The following NUP214 variants were observed in gnomAD, a reference collection of about 807,000 sequenced individuals.
NUP214 encodes nucleoporin 214.
NUP214 carries 79 observed loss-of-function variants against 196.2 expected under a neutral mutation model. The ratio of observed to expected loss-of-function variants is 0.40; its 90% CI spans 0.34 to 0.49. NUP214 has a LOEUF of 0.49. Ranked by LOEUF, NUP214 falls within the 20% of genes least tolerant of loss-of-function variation. The probability of loss-of-function intolerance (pLI) is 0.58; values close to 1 mark genes in which losing one functional copy is unlikely to be tolerated. For synonymous variants in NUP214, 1,020 were observed against 990.5 expected (o/e 1.03, Z -0.56); for missense variants, 2,468 against 2,539.0 (o/e 0.97, Z 0.60).
intron 24 of NUP214, among the ~76,000 whole-genome samples, chr9:131,182,127 A>G (rs1445042997): frequency 1.3e-5 from 2 of 152,260 alleles, no homozygotes; most frequent in East Asian, 3.8e-4. Context: ...TAGCACAGCA[A>G]TGTGAATGTA....
chr9:131,192,169 C>CATT, intron 26 of NUP214, 39 bp from the exon 27 acceptor site: 1 of 447,000 alleles, frequency 2.2e-6, no homozygotes, highest in Non-Finnish European at 3.1e-6. Flanking sequence ...TTGTAATATT[C>CATT]TTTTTTTTTT....
At chr9:131,126,964 A>T (rs1455568714) in intron 1 of NUP214, 1 of 152,314 alleles carries the variant, frequency 6.6e-6, no homozygotes, top group Non-Finnish European at 1.5e-5. Flanking sequence ...TAATAGAACC[A>T]CAGACTTAGA....
chr9:131,146,230 T>C lies in NUP214; in HGVS notation c.1871T>C (p.Leu624Pro). 6.2e-7 allele frequency: 1 copy of C among 1,614,114 alleles called. No homozygotes were observed. Among genetic ancestry groups the C allele is most frequent in the Non-Finnish European group, 8.5e-7 (1 of 1,179,998 alleles). The change falls in exon 13 of 36, where the codon CTC becomes CCC. Residue 624 changes from leucine to proline, a missense_variant. Physicochemically the swap from Leu to Pro is moderately conservative, Grantham distance 98 (BLOSUM62 -3). Around this residue, in one of 5 missense-constraint regions of NUP214, gnomAD observed 1,801 missense variants for 1,779.4 expected, o/e 1.01. Coordinates refer to ENST00000359428, the MANE Select transcript of NUP214 (RefSeq NM_005085.4). This position sits in a 1 kb window ranked among gnomAD's most constrained non-coding sequence, Gnocchi z 4.6. ...TCCAAGCCAGCTGCTTCTGGACCACTCAGCCACCCCACACCTCTCTCAGCA... is the reference window on the plus strand; with the variant it reads ...TCCAAGCCAGCTGCTTCTGGACCACCCAGCCACCCCACACCTCTCTCAGCA... ...SASKPAASGP[L>P]SHPTPLSAPP... is the part of the protein sequence containing the mutation.
chr9:131,217,874 C>T (rs537148109), intron 31 of NUP214, among the ~76,000 whole-genome samples: 10 of 152,290 alleles, frequency 6.6e-5, no homozygotes, highest in Admixed American at 5.2e-4. Flanking sequence ...CTGGTTTGCA[C>T]GGACACATGA....
At chr9:131,193,186 G>T (rs993514082) in intron 27 of NUP214, among the ~76,000 whole-genome samples, 1 of 152,040 alleles carries the variant, frequency 6.6e-6, no homozygotes, top group African/African-American at 2.4e-5. Flanking sequence ...TTGTTAAGGT[G>T]CCTGTTCTCT....
rs559815283 is a variant in NUP214, at chr9:131,174,398, C to T, written c.3157+80C>T. ...GACGGAATTGTAACTGGGTCTTATA[C>T]TGTCACACCAATATGGTGGTTGGCT... is the stretch of plus-strand genomic sequence containing the variant. On this transcript the variant is annotated intron_variant, in intron 22 of 35. Coordinates refer to ENST00000359428, the MANE Select transcript of NUP214 (RefSeq NM_005085.4). 32 of 1,302,480 alleles carry T rather than the reference C, an allele frequency of 2.5e-5. No individual in the cohort carries two copies. The South Asian group carries it at 3.8e-4, about 16-fold the overall frequency. 80.7% of individuals were successfully genotyped at this position (1,302,480 alleles called of 1,614,324 possible).
intron 18 of NUP214, 138 bp downstream of exon 18, chr9:131,159,624 G>A (rs1425991183): frequency 1.0e-5 from 7 of 695,786 alleles, no homozygotes; most frequent in African/African-American, 1.8e-5. Flanking sequence ...TTGGCAGGCC[G>A]AGGCGAGTGG....
At position 131,198,572 on chromosome 9, in the gene NUP214, C is replaced by T. The variant is rs61736991; in HGVS notation, c.5078C>T (p.Thr1693Ile). Residue 1693 changes from threonine (T) to isoleucine (I), a missense_variant, in exon 29 of 36, where the codon ACA becomes ATA. By Grantham distance (89) the Thr-to-Ile change is moderately conservative (BLOSUM62 -1). Transcript: ENST00000359428. ...CTGTTTGGGCAGCAGACTGGTAGCACAGCCAGCACAGCAGCTGCCACACCA... is the reference window on the plus strand; with the variant it reads ...CTGTTTGGGCAGCAGACTGGTAGCATAGCCAGCACAGCAGCTGCCACACCA... Reference protein sequence around the residue: ...PSLFGQQTGSTASTAAATPQV... With the variant: ...PSLFGQQTGSIASTAAATPQV... 277 of 1,614,232 alleles carry T rather than the reference C, an allele frequency of 1.7e-4. No individual in the cohort carries two copies. The African/African-American group carries it at 3.3e-3, about 19-fold the overall frequency.
At chr9:131,187,177 G>A (rs772338599) in intron 24 of NUP214, 112 bp from the exon 25 acceptor site, 6 of 858,380 alleles carry the variant, frequency 7.0e-6, no homozygotes, top group Non-Finnish European at 9.6e-6. Flanking sequence ...CCATGCATCT[G>A]TATCCTACCC....
intron 22 of NUP214, among the ~76,000 whole-genome samples, chr9:131,174,953 G>A (rs1275852169): frequency 3.9e-5 from 6 of 152,162 alleles, no homozygotes; most frequent in Non-Finnish European, 8.8e-5. Flanking sequence ...GTTTGCTTCA[G>A]TTATAAAGCA....
rs868165228 is a variant in NUP214 at position 131,224,238 on chromosome 9, A to G, written c.5902+1308A>G. On this transcript the variant is annotated intron_variant, in intron 32 of 35. Coordinates refer to ENST00000359428, the MANE Select transcript of NUP214 (RefSeq NM_005085.4). ...TTTTATAATCATGTATGATGTATTTATAACTACAAATTTTTAATGAACAGT... is the reference window on the plus strand; with the variant it reads ...TTTTATAATCATGTATGATGTATTTGTAACTACAAATTTTTAATGAACAGT... 3.3e-5 allele frequency among the ~76,000 whole-genome samples: 5 copies of G among 152,184 alleles called. No individual in the cohort carries two copies. The South Asian group carries it at 6.2e-4, about 19-fold the overall frequency.
At chr9:131,229,671 C>T (rs1389284439) in intron 33 of NUP214, 4 of 512,786 alleles carry the variant, frequency 7.8e-6, no homozygotes, top group African/African-American at 1.9e-5. Flanking sequence ...AGGTCCCTGG[C>T]CATGAGCCTG....
chr9:131,144,871 G>A (rs1202306960), intron 12 of NUP214, 117 bp downstream of exon 12: 1 of 796,126 alleles, frequency 1.3e-6, no homozygotes, highest in Non-Finnish European at 1.9e-6. Flanking sequence ...TTTACCCAGA[G>A]TGATACTTGC....
At chr9:131,148,058 G>A (rs951784137) in intron 14 of NUP214, among the ~76,000 whole-genome samples, 4 of 152,198 alleles carry the variant, frequency 2.6e-5, no homozygotes, top group Admixed American at 6.5e-5. Flanking sequence ...GTGGTGGCAC[G>A]TACTTGTAGT....
intron 26 of NUP214, chr9:131,190,313 T>A: frequency 1.9e-6 from 1 of 540,452 alleles, no homozygotes; most frequent in Non-Finnish European, 3.2e-6. Context: ...ATTGGAGAGG[T>A]TTTTGTCACT....
At chr9:131,176,387 G>A (rs538950755) in intron 23 of NUP214, among the ~76,000 whole-genome samples, 27 of 151,368 alleles carry the variant, frequency 1.8e-4, no homozygotes, top group African/African-American at 6.3e-4. Context: ...ACACTGGTGC[G>A]ATCACGGCTC....
chr9:131,178,222 C>A, intron 23 of NUP214, 89 bp from the exon 24 acceptor site: 1 of 925,516 alleles, frequency 1.1e-6, no homozygotes, highest in Non-Finnish European at 1.7e-6. Context: ...TGCTTGGGCT[C>A]ATGTCTTGGT....
At chr9:131,210,592 A>G (rs1447513578) in intron 30 of NUP214, among the ~76,000 whole-genome samples, 1 of 151,640 alleles carries the variant, frequency 6.6e-6, no homozygotes, top group African/African-American at 2.4e-5. Context: ...ACACCACTGC[A>G]CTCCAGCCTG....
intron 27 of NUP214, 91 bp from the exon 28 acceptor site, chr9:131,195,142 T>A (rs1833737329): frequency 1.1e-6 from 1 of 902,170 alleles, no homozygotes; most frequent in African/African-American, 1.7e-5. Flanking sequence ...CTGAGGGCGG[T>A]TTGTATGAAT....
Sources: allele counts gnomAD v4.1 joint callset (sites outside exome capture counted in the v4.1 genomes callset), GRCh38; gene constraint gnomAD v4.1.1; regional missense constraint gnomAD v4.1.1; non-coding constraint Gnocchi (gnomAD v3.1); transcripts MANE v1.5; gene names NCBI Gene and HGNC (gene_info 2026-07-23, HGNC 2026-07-21).